BRD10: variants seen among roughly 807,000 people sequenced by gnomAD.
BRD10 encodes the protein uncharacterized bromodomain-containing protein 10.
At chr9:5,940,613 T>A in the BRD10 span, among the ~76,000 whole-genome samples, 1 of 152,236 alleles carries the variant, frequency 6.6e-6, no homozygotes. Flanking sequence ...ACCTCGCTAC[T>A]GCTGGACATA....
chr9:5,925,736 C>T, the BRD10 span, among the ~76,000 whole-genome samples: 1 of 152,116 alleles, frequency 6.6e-6, no homozygotes, highest in Non-Finnish European at 1.5e-5. Flanking sequence ...TAATCTTTCA[C>T]AGAGATCTTT....
chr9:5,885,251 A>C, the BRD10 span, among the ~76,000 whole-genome samples: 1 of 152,224 alleles, frequency 6.6e-6, no homozygotes. Context: ...ATGAGTTCAT[A>C]GGCTCACCCC....
the BRD10 span, among the ~76,000 whole-genome samples, chr9:5,930,369 T>TTTTATATATATATATA: frequency 3.2e-3 from 438 of 135,424 alleles, 7 homozygotes; most frequent in African/African-American, 9.4e-3. Context: ...TATAAGGAGA[T>TTTTATATATATATATA]TATATATATA....
the BRD10 span, chr9:5,921,522 T>C: frequency 1.2e-6 from 2 of 1,613,758 alleles, no homozygotes; most frequent in African/African-American, 2.7e-5. Flanking sequence ...GCAGGTGTCA[T>C]ATTAATTGCA....
At chr9:5,930,592 T>C in the BRD10 span, among the ~76,000 whole-genome samples, 4 of 152,064 alleles carry the variant, frequency 2.6e-5, no homozygotes, top group Non-Finnish European at 4.4e-5. Context: ...AGATTATATA[T>C]GTGCATGTGC....
chr9:5,949,623 G>A, the BRD10 span, among the ~76,000 whole-genome samples: 1 of 152,124 alleles, frequency 6.6e-6, no homozygotes, highest in Admixed American at 6.6e-5. Flanking sequence ...ATATGAAATG[G>A]GAGCAAGGGC....
chr9:5,996,424 T>C, the BRD10 span, among the ~76,000 whole-genome samples: 2 of 152,112 alleles, frequency 1.3e-5, no homozygotes, highest in African/African-American at 4.8e-5. Flanking sequence ...GTTCAAGCAA[T>C]TCTTGTGCCT....
the BRD10 span, among the ~76,000 whole-genome samples, chr9:5,959,773 C>G: frequency 2.0e-5 from 3 of 152,224 alleles, no homozygotes; most frequent in East Asian, 5.8e-4. Context: ...TAAAGCAGCT[C>G]ATTACTTTTT....
chr9:5,972,349 G>C, the BRD10 span, among the ~76,000 whole-genome samples: 2 of 152,148 alleles, frequency 1.3e-5, no homozygotes, highest in African/African-American at 4.8e-5. Flanking sequence ...GAATTAAAAA[G>C]AACTTCTAGA....
At chr9:5,956,149 G>C in the BRD10 span, among the ~76,000 whole-genome samples, 1 of 151,960 alleles carries the variant, frequency 6.6e-6, no homozygotes, top group Non-Finnish European at 1.5e-5. Context: ...ATTTGATTTT[G>C]TATTCATTTA....
the BRD10 span, among the ~76,000 whole-genome samples, chr9:5,958,993 T>C: frequency 6.6e-6 from 1 of 152,194 alleles, no homozygotes; most frequent in African/African-American, 2.4e-5. Flanking sequence ...TATTTTCCTT[T>C]TATTCTTCTT....
chr9:5,975,227 G>A, the BRD10 span, among the ~76,000 whole-genome samples: 1 of 151,830 alleles, frequency 6.6e-6, no homozygotes, highest in Non-Finnish European at 1.5e-5. Context: ...CTTGACGTCA[G>A]GAGTTCAAAA....
chr9:5,895,331 A>G, the BRD10 span, among the ~76,000 whole-genome samples: 2 of 151,692 alleles, frequency 1.3e-5, no homozygotes, highest in South Asian at 2.1e-4. Flanking sequence ...CCCTGCCCCC[A>G]TTGCTGTTTG....
chr9:5,981,122 G>C, the BRD10 span, among the ~76,000 whole-genome samples: 1 of 152,166 alleles, frequency 6.6e-6, no homozygotes, highest in East Asian at 1.9e-4. Flanking sequence ...TCACTGTAAG[G>C]TTTATCTGTA....
chr9:5,947,594 T>C, the BRD10 span, among the ~76,000 whole-genome samples: 13 of 152,196 alleles, frequency 8.5e-5, no homozygotes, highest in Middle Eastern at 0.02. Context: ...ATATTCCCTC[T>C]ATATGTATAT....
the BRD10 span, among the ~76,000 whole-genome samples, chr9:5,931,044 T>C: frequency 3.9e-5 from 6 of 152,340 alleles, no homozygotes; most frequent in East Asian, 3.9e-4. Context: ...AGGAAAGATA[T>C]GATAGTAGGG....
the BRD10 span, among the ~76,000 whole-genome samples, chr9:5,937,965 A>C: frequency 6.6e-6 from 1 of 152,118 alleles, no homozygotes; most frequent in Non-Finnish European, 1.5e-5. Flanking sequence ...TTTCATTATT[A>C]TTCTGAACAT....
the BRD10 span, among the ~76,000 whole-genome samples, chr9:5,884,340 G>A: frequency 6.6e-6 from 1 of 152,308 alleles, no homozygotes; most frequent in Non-Finnish European, 1.5e-5. Flanking sequence ...TCAGTCCAAA[G>A]GCTCAGCGTG....
At chr9:5,945,969 C>G in the BRD10 span, among the ~76,000 whole-genome samples, 1 of 151,988 alleles carries the variant, frequency 6.6e-6, no homozygotes, top group Admixed American at 6.6e-5. Context: ...AAGTTCGATA[C>G]ATTCATTAAT....
Sources: allele counts gnomAD v4.1 joint callset (sites outside exome capture counted in the v4.1 genomes callset), GRCh38; gene constraint gnomAD v4.1.1; transcripts MANE v1.5; gene names NCBI Gene and HGNC (gene_info 2026-07-23, HGNC 2026-07-21).